COL2A1: variants seen among roughly 807,000 people sequenced by gnomAD.
COL2A1 encodes the protein collagen type II alpha 1 chain, also known as collagen alpha-1(II) chain.
Under a neutral mutation model 204.5 loss-of-function variants are expected in COL2A1, and 28 were observed. The ratio of observed to expected loss-of-function variants is 0.14; its 90% CI spans 0.10 to 0.19. The LOEUF is 0.19. COL2A1 is among the 10% of genes least tolerant of loss of function. COL2A1 has a pLI of 1.00. For synonymous variants in COL2A1, 708 were observed against 718.7 expected, an observed-to-expected ratio of 0.99 and a Z score of 0.24; for missense variants, 1,388 against 2,027.5, an observed-to-expected ratio of 0.68 and a Z score of 6.06.
At position 47,997,311 on chromosome 12, in the gene COL2A1, C is replaced by T. The variant is rs56037230; in HGVS notation, c.531+295G>A. ...TACAAGTGCCCAGTCATCCTTCCTCCTATCCCTTACACCCACCCCCCAGCA... is the reference window on the plus strand; with the variant it reads ...TACAAGTGCCCAGTCATCCTTCCTCTTATCCCTTACACCCACCCCCCAGCA... On this transcript the variant is annotated intron_variant, in intron 7 of 53. Transcript: ENST00000380518. Among the ~76,000 whole-genome samples the T allele has an allele frequency of 0.21, 31,321 of 152,220 alleles. 3,443 individuals are homozygous for T. The highest frequency in any genetic ancestry group is 0.33 in the East Asian group (1,686 of 5,182).
intron 34 of COL2A1, 85 bp downstream of exon 34, chr12:47,982,417 G>T (rs1284725945): frequency 1.8e-6 from 2 of 1,141,716 alleles, no homozygotes; most frequent in Non-Finnish European, 2.7e-6. Flanking sequence ...ATCACCAGGT[G>T]CCATAAGGGA....
At position 47,973,092 on chromosome 12, in the gene COL2A1, GTCT is replaced by G; in HGVS notation, c.*312_*314del. On this transcript the variant is annotated 3_prime_UTR_variant, in exon 54 of 54. Coordinates refer to ENST00000380518, the MANE Select transcript of COL2A1 (RefSeq NM_001844.5). ...TCCTGCGCCCGGCACCTGAAGGGAG[GTCT>G]TCTGGCCTGGGCTGGGGGCAGTCAC... 1.7e-6 allele frequency: 1 copy of G among 597,884 alleles called. No homozygotes were observed. Among genetic ancestry groups the G allele is most frequent in the Non-Finnish European group, 3.0e-6 (1 of 336,116 alleles). The allele number at this position is 597,884 out of a possible 1,614,324, so 37.0% of individuals were successfully genotyped here.
Position 47,976,534 on chromosome 12 carries a change from C to G in COL2A1, c.3469G>C (p.Ala1157Pro). ...CTTACTCTAGGGCCAGAAGGACCAG[C>G]AGGACCAGAAGCACCTTGGTCTCCA... ...PSGDQGASGP[A>P]GPSGPRGPPG... is the part of the protein sequence containing the mutation. The change falls in exon 49 of 54, where the codon GCT becomes CCT. Residue 1157 changes from alanine to proline, a missense_variant. Transcript: ENST00000380518. This position sits in a 1 kb window ranked among gnomAD's most constrained non-coding sequence, Gnocchi z 4.3. The G allele has an allele frequency of 6.2e-7, 1 of 1,614,198 alleles. No homozygotes were observed.
rs3782914 is a variant in COL2A1 at position 47,990,742 on chromosome 12, G to A, written c.1024-937C>T. Among the ~76,000 whole-genome samples, 147 of 152,338 alleles carry A rather than the reference G, an allele frequency of 9.6e-4. 3 individuals carry two copies. In the East Asian group the frequency reaches 0.022, roughly 23 times the overall value. On this transcript the variant is annotated intron_variant, in intron 16 of 53. Transcript: ENST00000380518. ...GCAAGGTTGCCAGCTCCTTCTCTAG[G>A]ACTGGACTTGGAGGGGGAGGGTTTT...
In COL2A1 at chr12:47,976,409, T is replaced by G; in HGVS notation, c.3489+105A>C. ...GCCCCCATTACTGAGTGAGGACCCCTGAGCCCACAGCTTCCCCAGAAGCAG... is the reference window on the plus strand; with the variant it reads ...GCCCCCATTACTGAGTGAGGACCCCGGAGCCCACAGCTTCCCCAGAAGCAG... On this transcript the variant is annotated intron_variant, in intron 49 of 53. Coordinates refer to ENST00000380518, the MANE Select transcript of COL2A1 (RefSeq NM_001844.5). This position sits in a 1 kb window ranked among gnomAD's most constrained non-coding sequence, Gnocchi z 4.3. 7.4e-7 allele frequency: 1 copy of G among 1,344,440 alleles called. No individual in the cohort carries two copies. Among genetic ancestry groups the G allele is most frequent in the South Asian group, 1.2e-5 (1 of 84,860 alleles). The allele number at this position is 1,344,440 out of a possible 1,614,324, so 83.3% of individuals were successfully genotyped here.
rs997056285 is a variant in COL2A1 at position 47,978,899 on chromosome 12, C to G, written c.2734-141G>C. ...CCACACTAAGGGCAGGCAGCTTAAC[C>G]CCCCCAACCCCAATCTACCGCTGCA... On this transcript the variant is annotated intron_variant, in intron 41 of 53. Transcript: ENST00000380518. The surrounding 1 kb of genome is among the most constrained non-coding windows in gnomAD (Gnocchi z 5.5). The G allele has an allele frequency of 2.2e-5, 18 of 822,688 alleles. No homozygotes were observed. Among genetic ancestry groups the G allele is most frequent in the African/African-American group, 6.8e-5 (4 of 58,816 alleles). The allele number at this position is 822,688 out of a possible 1,614,324, so 51.0% of individuals were successfully genotyped here. A position where few individuals can be genotyped will look rare whatever the true frequency, so the allele number is the denominator to read the frequency against.
intron 1 of COL2A1, among the ~76,000 whole-genome samples, chr12:48,003,267 G>A (rs1940318925): frequency 1.3e-5 from 2 of 152,104 alleles, no homozygotes; most frequent in African/African-American, 4.8e-5. Flanking sequence ...AATAGTTGTA[G>A]CAACCGTAGC....
At chr12:47,981,077 G>T in intron 37 of COL2A1, 109 bp from the exon 38 acceptor site, 2 of 1,195,494 alleles carry the variant, frequency 1.7e-6, no homozygotes, top group Non-Finnish European at 2.4e-6. Flanking sequence ...CCCCAGAGAC[G>T]GGGATCTGAA....
At chr12:47,985,852 G>T in intron 24 of COL2A1, 26 bp from the exon 25 acceptor site, 1 of 1,594,018 alleles carries the variant, frequency 6.3e-7, no homozygotes, top group East Asian at 2.3e-5. Context: ...GGGAGTCAGT[G>T]GGATACCATG....
chr12:47,975,648 T>G, intron 50 of COL2A1, 43 bp from the exon 51 acceptor site: 1 of 1,583,344 alleles, frequency 6.3e-7, no homozygotes, highest in Non-Finnish European at 8.5e-7. Context: ...TGTGTGAAAG[T>G]GCCCCTCCAT....
intron 29 of COL2A1, 140 bp downstream of exon 29, chr12:47,983,947 C>A: frequency 2.1e-6 from 2 of 965,048 alleles, no homozygotes; most frequent in South Asian, 1.5e-5. Context: ...GGACACCCTG[C>A]CTCAGCTCAG....
rs2136610764 is a variant in COL2A1, at chr12:47,994,070, T to C, written c.817-23A>G. The C allele has an allele frequency of 1.9e-6, 3 of 1,613,826 alleles. No homozygotes were observed. The East Asian group carries it at 6.7e-5, about 36-fold the overall frequency. ...ACCCTGCAATCCAAAGTGGAGGTGTTCAGAGCACAGAGTAAAATAACAGTG... is the reference window on the plus strand; with the variant it reads ...ACCCTGCAATCCAAAGTGGAGGTGTCCAGAGCACAGAGTAAAATAACAGTG... On this transcript the variant is annotated intron_variant, in intron 12 of 53. Coordinates refer to ENST00000380518, the MANE Select transcript of COL2A1 (RefSeq NM_001844.5).
upstream of COL2A1, chr12:48,004,580 C>A (rs1012818109): frequency 5.2e-6 from 2 of 385,986 alleles, no homozygotes; most frequent in African/African-American, 2.2e-5. Context: ...TGGGCTGTAA[C>A]CTGAACCGCC....
chr12:47,987,758 G>A lies in COL2A1; in HGVS notation c.1123-49C>T, dbSNP rs1389873984. Reference sequence around the variant, plus strand: ...AATGAAGAAGAAGAGAGGGGACACAGACCTCTAGTGGGTGGGCAATAGCTC... The same window carrying A: ...AATGAAGAAGAAGAGAGGGGACACAAACCTCTAGTGGGTGGGCAATAGCTC... On this transcript the variant is annotated intron_variant, in intron 18 of 53. Coordinates refer to ENST00000380518, the MANE Select transcript of COL2A1 (RefSeq NM_001844.5). The surrounding 1 kb of genome is among the most constrained non-coding windows in gnomAD (Gnocchi z 4.1). 7.0e-7 allele frequency: 1 copy of A among 1,433,256 alleles called. No homozygotes were observed. The allele number at this position is 1,433,256 out of a possible 1,614,324, so 88.8% of individuals were successfully genotyped here. A position where few individuals can be genotyped will look rare whatever the true frequency, so the allele number is the denominator to read the frequency against.
intron 10 of COL2A1, 105 bp downstream of exon 10, chr12:47,995,605 G>A (rs750450801): frequency 6.7e-6 from 8 of 1,196,880 alleles, no homozygotes; most frequent in African/African-American, 1.5e-5. Context: ...GCCACCGACT[G>A]TGGGAAAGAG....
chr12:47,989,021 T>C (rs1276666780), intron 18 of COL2A1, among the ~76,000 whole-genome samples: 1 of 152,244 alleles, frequency 6.6e-6, no homozygotes, highest in Admixed American at 6.5e-5. Flanking sequence ...TCCCACATTT[T>C]ATCTTCTGTC....
At position 47,987,550 on chromosome 12, in the gene COL2A1, G is replaced by T. The variant is rs1040549764; in HGVS notation, c.1221+61C>A. Reference sequence around the variant, plus strand: ...CACAACTGTCAGAGCAAAGTACAGAGTCAAGAGTTCCAAAGCCACAGACCC... The same window carrying T: ...CACAACTGTCAGAGCAAAGTACAGATTCAAGAGTTCCAAAGCCACAGACCC... On this transcript the variant is annotated intron_variant, in intron 19 of 53. Coordinates refer to ENST00000380518, the MANE Select transcript of COL2A1 (RefSeq NM_001844.5). This position sits in a 1 kb window ranked among gnomAD's most constrained non-coding sequence, Gnocchi z 4.1. 1.4e-6 allele frequency: 2 copies of T among 1,432,152 alleles called. No individual in the cohort carries two copies. Among genetic ancestry groups the T allele is most frequent in the Non-Finnish European group, 1.9e-6 (2 of 1,031,768 alleles). The allele number at this position is 1,432,152 out of a possible 1,614,324, so 88.7% of individuals were successfully genotyped here. A position where few individuals can be genotyped will look rare whatever the true frequency, so the allele number is the denominator to read the frequency against.
intron 18 of COL2A1, chr12:47,988,388 C>T (rs1379852137): frequency 6.4e-6 from 1 of 155,756 alleles, no homozygotes; most frequent in African/African-American, 2.4e-5. Flanking sequence ...AATTACAACC[C>T]ACTCTAGATG....
rs752821624 is a variant in COL2A1 at position 47,986,859 on chromosome 12, A to C, written c.1395T>G (p.Gly465=). The C allele has an allele frequency of 2.5e-6, 4 of 1,614,036 alleles. No homozygotes were observed. The highest frequency in any genetic ancestry group is 3.4e-6 in the Non-Finnish European group (4 of 1,180,032). Residue 465 remains glycine (G), a synonymous_variant, in exon 22 of 54, where the codon GGT becomes GGG. Coordinates refer to ENST00000380518, the MANE Select transcript of COL2A1 (RefSeq NM_001844.5). ...TGEPGIAGFK[G]EQGPKGEPGP... is the part of the protein sequence containing the mutation. ...CAGGTTCTCCCTTGGGGCCTTGTTCACCTTTGAAGCCAGCAATACCAGGTT... is the reference window on the plus strand; with the variant it reads ...CAGGTTCTCCCTTGGGGCCTTGTTCCCCTTTGAAGCCAGCAATACCAGGTT...
Sources: allele counts gnomAD v4.1 joint callset (sites outside exome capture counted in the v4.1 genomes callset), GRCh38; gene constraint gnomAD v4.1.1; non-coding constraint Gnocchi (gnomAD v3.1); transcripts MANE v1.5; gene names NCBI Gene and HGNC (gene_info 2026-07-23, HGNC 2026-07-21).